DNAH14: variants seen among roughly 807,000 people sequenced by gnomAD.
DNAH14 encodes the protein axonemal beta dynein heavy chain 14.
In DNAH14, 478 loss-of-function variants were observed where a neutral mutation model predicts 520.9. That is an observed-to-expected ratio of 0.92 (90% CI 0.85 to 0.99). The LOEUF (loss-of-function observed/expected upper bound fraction) is 0.99. Among genes scored for constraint, DNAH14 ranks in the 50% least tolerant of loss-of-function variants. DNAH14 has a pLI of 0.00. For synonymous variants in DNAH14, 1,581 were observed against 1,757.2 expected (o/e 0.90, Z 2.51); for missense variants, 4,831 against 5,234.5 (o/e 0.92, Z 2.38).
chr1:225,382,082 AG>A (rs2095790280), intron 81 of DNAH14, among the ~76,000 whole-genome samples: 1 of 152,216 alleles, frequency 6.6e-6, no homozygotes, highest in Non-Finnish European at 1.5e-5. Flanking sequence ...TTCTCCCCTT[AG>A]GATTAGCACT....
Position 225,168,034 on chromosome 1 carries a change from T to C in DNAH14, c.5535+6T>C. 1 of 1,451,336 alleles carries C rather than the reference T, an allele frequency of 6.9e-7. No homozygotes were observed. Among genetic ancestry groups the C allele is most frequent in the Non-Finnish European group, 9.4e-7 (1 of 1,068,936 alleles). 89.9% of individuals were successfully genotyped at this position (1,451,336 alleles called of 1,614,324 possible). ...AGTTTTATAATCAACTTCAGGTAAG[T>C]ATAAAATGGCATGTTAGCAATCCTT... On this transcript the variant is annotated splice_donor_region_variant and intron_variant, in intron 36 of 85. Coordinates refer to ENST00000682510, the MANE Select transcript of DNAH14 (RefSeq NM_001367479.1).
At chr1:225,338,333 A>G in intron 68 of DNAH14, 151 bp downstream of exon 68, 1 of 932,660 alleles carries the variant, frequency 1.1e-6, no homozygotes, top group South Asian at 1.4e-5. Flanking sequence ...TGTTGGCAGT[A>G]GTATTCATCA....
In DNAH14 at chr1:224,960,158, C is replaced by T; in HGVS notation, c.223C>T (p.Leu75Phe). 1.9e-6 allele frequency: 3 copies of T among 1,581,822 alleles called. No individual in the cohort carries two copies. The highest frequency in any genetic ancestry group is 2.6e-6 in the Non-Finnish European group (3 of 1,168,236). The part of the protein sequence containing the change: ...SLKSEKTEDY[L>F]RESIIQQHMV... The stretch of plus-strand genomic sequence containing the variant: ...AATAATGGTTTTATTTTCAGATTAC[C>T]TTAGAGAAAGTATAATTCAACAACA... The change falls in exon 4 of 86, where the codon CTT becomes TTT. Residue 75 changes from leucine (L) to phenylalanine (F), a missense_variant. By Grantham distance (22) the Leu-to-Phe change is conservative (BLOSUM62 0). Coordinates refer to ENST00000682510, the MANE Select transcript of DNAH14 (RefSeq NM_001367479.1).
chr1:225,392,544 C>A (rs1418292257), intron 84 of DNAH14, 93 bp downstream of exon 84: 3 of 1,443,418 alleles, frequency 2.1e-6, no homozygotes, highest in Non-Finnish European at 1.9e-6. Context: ...CTTTACTCAG[C>A]ACTTACCACA....
rs12092777 is a variant in DNAH14, at chr1:225,089,466, G to A, written c.3573+3677G>A. Among the ~76,000 whole-genome samples, 746 of 85,998 alleles carry A rather than the reference G, an allele frequency of 8.7e-3. 11 individuals carry two copies. The highest frequency in any genetic ancestry group is 0.042 in the African/African-American group (648 of 15,486). The allele number at this position is 85,998 out of a possible 152,430, so 56.4% of individuals were successfully genotyped here. ...TCAAAAAAAAAAAAAAAAAAAAAAA[G>A]AGAGCGAGAGAAAGAAAAGAAAAGA... is the stretch of plus-strand genomic sequence containing the variant. On this transcript the variant is annotated intron_variant, in intron 21 of 85. Transcript: ENST00000682510.
intron 2 of DNAH14, among the ~76,000 whole-genome samples, chr1:224,953,768 C>A (rs2060332352): frequency 6.6e-6 from 1 of 152,056 alleles, no homozygotes; most frequent in African/African-American, 2.4e-5. Context: ...GAGTCTGTCT[C>A]TTACACTATA....
At chr1:225,353,310 T>C (rs4146970) in intron 72 of DNAH14, among the ~76,000 whole-genome samples, 13,879 of 152,120 alleles carry the variant, frequency 0.091, 810 homozygotes, top group East Asian at 0.26. Context: ...GTATTAAATA[T>C]ATGTAGGTAG....
In DNAH14 at chr1:225,176,095, A is replaced by G. The variant is rs561209645; in HGVS notation, c.5535+8067A>G. Among the ~76,000 whole-genome samples the G allele has an allele frequency of 1.1e-4, 17 of 151,918 alleles. No homozygotes were observed. In the East Asian group the frequency reaches 1.4e-3, roughly 12 times the overall value. ...GGAAAGAATGCATTATGTTTATCCA[A>G]CTTCCTTCCTTCCTTGCTTTTGCTA... is the stretch of plus-strand genomic sequence containing the variant. On this transcript the variant is annotated intron_variant, in intron 36 of 85. Coordinates refer to ENST00000682510, the MANE Select transcript of DNAH14 (RefSeq NM_001367479.1).
chr1:225,117,943 C>T lies in DNAH14; in HGVS notation c.4035C>T (p.Gly1345=). Residue 1345 remains glycine, a synonymous_variant, in exon 25 of 86, where the codon GGC becomes GGT. Transcript: ENST00000682510. ...TATTGATATGGAAACAAGACATTGG[C>T]CCTCCTGCTGTAAAAATGCTAATAT... ...KQLLIWKQDI[G]PPAVKMLISA... is the part of the protein sequence containing the mutation. 1 of 1,551,386 alleles carries T rather than the reference C, an allele frequency of 6.4e-7. No homozygotes were observed. Among genetic ancestry groups the T allele is most frequent in the Non-Finnish European group, 8.7e-7 (1 of 1,146,814 alleles).
chr1:225,316,186 G>C (rs990680463), intron 60 of DNAH14, among the ~76,000 whole-genome samples: 2 of 152,180 alleles, frequency 1.3e-5, no homozygotes, highest in Non-Finnish European at 2.9e-5. Context: ...CTCAGTAATG[G>C]TGGATGCCCC....
intron 3 of DNAH14, among the ~76,000 whole-genome samples, chr1:224,958,054 T>C (rs1273302990): frequency 6.6e-6 from 1 of 152,056 alleles, no homozygotes; most frequent in Non-Finnish European, 1.5e-5. Flanking sequence ...CTTTACTAAG[T>C]CAGGAGGACA....
Position 225,185,351 on chromosome 1 carries a change from A to G in DNAH14, c.5596A>G (p.Ile1866Val). 18 of 1,548,328 alleles carry G rather than the reference A, an allele frequency of 1.2e-5. No individual in the cohort carries two copies. The highest frequency in any genetic ancestry group is 1.6e-5 in the Non-Finnish European group (18 of 1,145,700). ...TGGGKTTVRR[I>V]LEKALTLLPI... ...TGGAGGAAAGACAACAGTCAGAAGA[A>G]TTTTGGAAAAAGCATTAACGCTATT... Residue 1866 changes from isoleucine (I) to valine (V), a missense_variant, in exon 37 of 86, where the codon ATT becomes GTT. Coordinates refer to ENST00000682510, the MANE Select transcript of DNAH14 (RefSeq NM_001367479.1).
At chr1:225,074,886 G>A (rs2072054906) in intron 17 of DNAH14, among the ~76,000 whole-genome samples, 1 of 152,224 alleles carries the variant, frequency 6.6e-6, no homozygotes, top group South Asian at 2.1e-4. Context: ...GCCACTGGAT[G>A]TTATCCTGTG....
chr1:225,339,432 G>A (rs751348677), intron 68 of DNAH14, among the ~76,000 whole-genome samples: 5 of 152,136 alleles, frequency 3.3e-5, no homozygotes, highest in Non-Finnish European at 7.4e-5. Flanking sequence ...GCTTTTTAAA[G>A]TGGGCTAAAG....
rs1383092255 is a variant in DNAH14 at position 225,147,143 on chromosome 1, G to A, written c.4834G>A (p.Ala1612Thr). ...TTTCTTTGGACTAGTTCAGTCAGGA[G>A]CATGGAGTTGTTTTGATGAATTCAA... ...KFFFGLVQSG[A>T]WSCFDEFNLI... The change falls in exon 31 of 86, where the codon GCA becomes ACA. Residue 1612 changes from alanine (A) to threonine (T), a missense_variant. By Grantham distance (58) the Ala-to-Thr change is moderately conservative. Transcript: ENST00000682510. 4 of 1,549,390 alleles carry A rather than the reference G, an allele frequency of 2.6e-6. No individual in the cohort carries two copies. The highest frequency in any genetic ancestry group is 4.9e-5 in the East Asian group (2 of 40,844).
intron 8 of DNAH14, among the ~76,000 whole-genome samples, chr1:224,977,067 A>G (rs1175948461): frequency 1.3e-5 from 2 of 151,670 alleles, no homozygotes; most frequent in Non-Finnish European, 2.9e-5. Context: ...TATTCACAAT[A>G]GCAAAGACTT....
At chr1:225,023,988 A>G in intron 11 of DNAH14, 123 bp downstream of exon 11, 1 of 1,411,846 alleles carries the variant, frequency 7.1e-7, no homozygotes, top group South Asian at 1.7e-5. Context: ...GGCAGAGTAC[A>G]TGTACTCATT....
At chr1:225,085,903 T>C (rs1167783933) in intron 21 of DNAH14, 114 bp downstream of exon 21, 13 of 1,053,796 alleles carry the variant, frequency 1.2e-5, no homozygotes, top group South Asian at 2.9e-5. Flanking sequence ...CATATACTTA[T>C]ATAAAAATTA....
intron 17 of DNAH14, among the ~76,000 whole-genome samples, chr1:225,059,503 A>T (rs1309093796): frequency 1.3e-5 from 2 of 152,204 alleles, no homozygotes; most frequent in African/African-American, 4.8e-5. Flanking sequence ...GTGTCTTTTA[A>T]TTGGAGCATT....
Sources: allele counts gnomAD v4.1 joint callset (sites outside exome capture counted in the v4.1 genomes callset), GRCh38; gene constraint gnomAD v4.1.1; transcripts MANE v1.5; gene names NCBI Gene and HGNC (gene_info 2026-07-23, HGNC 2026-07-21).